The following SEPHS2 variants were observed in gnomAD, a reference collection of about 807,000 sequenced individuals.
SEPHS2 encodes the protein selenophosphate synthetase 2.
In SEPHS2, 11 loss-of-function variants were observed where a neutral mutation model predicts 23.9. That is an observed-to-expected ratio of 0.46 (90% CI 0.29 to 0.76). The LOEUF (loss-of-function observed/expected upper bound fraction) is 0.76, where lower values mean the gene tolerates loss of function less well. Ranked by LOEUF, SEPHS2 falls within the 30% of genes least tolerant of loss-of-function variation. The probability of loss-of-function intolerance (pLI) is 0.10; values close to 1 mark genes in which losing one functional copy is unlikely to be tolerated. For missense variants in SEPHS2, 541 were observed against 592.5 expected (o/e 0.91, Z 0.90); for synonymous variants, 239 against 247.5 (o/e 0.97, Z 0.32).
Position 30,445,062 on chromosome 16 carries a change from T to A in SEPHS2, c.666A>T (p.Ile222=). Residue 222 remains isoleucine (I), a synonymous_variant, in exon 1 of 1, where the codon ATA becomes ATT. Transcript: ENST00000478753. ...ATACTACAGTGGCAACTCCACCGAT[T>A]ATAATCCAAGGGTTGACCACCGTTT... is the stretch of plus-strand genomic sequence containing the variant. ...GGQTVVNPWI[I]IGGVATVVCQ... is the part of the protein sequence containing the mutation. 1 of 1,592,774 alleles carries A rather than the reference T, an allele frequency of 6.3e-7. No individual in the cohort carries two copies. The highest frequency in any genetic ancestry group is 8.6e-7 in the Non-Finnish European group (1 of 1,167,904).
chr16:30,445,466 C>A lies in SEPHS2; in HGVS notation c.262G>T (p.Gly88Cys), dbSNP rs559671014. 1.5e-5 allele frequency: 23 copies of A among 1,545,228 alleles called. No homozygotes were observed. In the Admixed American group the frequency reaches 2.1e-4, roughly 14 times the overall value. ...GCCTCTTCCTGGCCACCCACCAGGC[C>A]CCGGCCCAGCGGGGGCCGCACGTCC... Reference protein sequence around the residue: ...RPDVRPPLGRGLVGGQEEASQ... With the variant: ...RPDVRPPLGRCLVGGQEEASQ... Residue 88 changes from glycine to cysteine, a missense_variant, in exon 1 of 1, where the codon GGC (glycine) becomes TGC (cysteine). Coordinates refer to ENST00000478753, the MANE Select transcript of SEPHS2 (RefSeq NM_012248.4).
rs1209892007 is a variant in SEPHS2, at chr16:30,445,508, C to A, written c.220G>T (p.Ala74Ser). The A allele has an allele frequency of 2.0e-6, 3 of 1,536,296 alleles. No homozygotes were observed. The highest frequency in any genetic ancestry group is 1.4e-5 in the African/African-American group (1 of 73,012). The change falls in exon 1 of 1, where the codon GCG becomes TCG. Residue 74 changes from alanine (A) to serine (S), a missense_variant. Ala to Ser is a moderately conservative substitution (Grantham distance 99, BLOSUM62 1). Transcript: ENST00000478753. ...CGCACGTCCGGCCGCGTCAGTCCCG[C>A]CAGGAGTTTGAGCAGCGCCTCCTGC... The part of the protein sequence containing the change: ...VPQEALLKLL[A>S]GLTRPDVRPP...
Position 30,445,766 on chromosome 16 carries a change from C to T in SEPHS2, c.-39G>A, listed in dbSNP as rs1375078755. On this transcript the variant is annotated 5_prime_UTR_variant, in exon 1 of 1. Coordinates refer to ENST00000478753, the MANE Select transcript of SEPHS2 (RefSeq NM_012248.4). ...CAGGGAAGCGAGAGGAGAAGAGGGCCCTTTTATTTTCCACTCAGATTAATA... is the reference window on the plus strand; with the variant it reads ...CAGGGAAGCGAGAGGAGAAGAGGGCTCTTTTATTTTCCACTCAGATTAATA... 5 of 1,517,434 alleles carry T rather than the reference C, an allele frequency of 3.3e-6. No homozygotes were observed. The South Asian group carries it at 4.9e-5, about 15-fold the overall frequency. 94.0% of individuals were successfully genotyped at this position (1,517,434 alleles called of 1,614,324 possible). A position where few individuals can be genotyped will look rare whatever the true frequency, so the allele number is the denominator to read the frequency against.
At position 30,445,760 on chromosome 16, in the gene SEPHS2, G is replaced by A. The variant is rs1313223385; in HGVS notation, c.-33C>T. On this transcript the variant is annotated 5_prime_UTR_variant, in exon 1 of 1. Transcript: ENST00000478753. ...GCCCGGCAGGGAAGCGAGAGGAGAAGAGGGCCCTTTTATTTTCCACTCAGA... is the reference window on the plus strand; with the variant it reads ...GCCCGGCAGGGAAGCGAGAGGAGAAAAGGGCCCTTTTATTTTCCACTCAGA... The A allele has an allele frequency of 3.3e-6, 5 of 1,524,520 alleles. No individual in the cohort carries two copies. The highest frequency in any genetic ancestry group is 2.2e-5 in the Admixed American group (1 of 44,540). The allele number at this position is 1,524,520 out of a possible 1,614,324, so 94.4% of individuals were successfully genotyped here.
Position 30,445,487 on chromosome 16 carries a change from C to A in SEPHS2, c.241G>T (p.Val81Leu). ...AGGCCCCGGCCCAGCGGGGGCCGCA[C>A]GTCCGGCCGCGTCAGTCCCGCCAGG... is the stretch of plus-strand genomic sequence containing the variant. ...KLLAGLTRPD[V>L]RPPLGRGLVG... Residue 81 changes from valine to leucine, a missense_variant, in exon 1 of 1, where the codon GTG becomes TTG. By Grantham distance (32) the Val-to-Leu change is conservative (BLOSUM62 1). Around this residue, in one of 3 missense-constraint regions of SEPHS2, gnomAD observed 207 missense variants for 182.2 expected, o/e 1.14. Transcript: ENST00000478753. The A allele has an allele frequency of 1.3e-6, 2 of 1,538,046 alleles. No individual in the cohort carries two copies. Among genetic ancestry groups the A allele is most frequent in the South Asian group, 1.2e-5 (1 of 84,778 alleles).
rs772935300 is a variant in SEPHS2, at chr16:30,445,010, C to A, written c.718G>T (p.Asp240Tyr). 1 of 1,609,402 alleles carries A rather than the reference C, an allele frequency of 6.2e-7. No individual in the cohort carries two copies. Among genetic ancestry groups the A allele is most frequent in the Admixed American group, 1.7e-5 (1 of 59,738 alleles). Residue 240 changes from aspartate to tyrosine, a missense_variant, in exon 1 of 1, where the codon GAC (aspartate) becomes TAC (tyrosine). Asp to Tyr is a radical substitution (Grantham distance 160, BLOSUM62 -3). Around this residue, in one of 3 missense-constraint regions of SEPHS2, gnomAD observed 110 missense variants for 173.0 expected, o/e 0.64. Transcript: ENST00000478753. ...VCQPNEFIMP[D>Y]SAVVGDVLVL... is the part of the protein sequence containing the mutation. Reference sequence around the variant, plus strand: ...AGCACGTCCCCAACGACGGCGCTGTCCGGCATTATGAACTCATTTGGTTGG... The same window carrying A: ...AGCACGTCCCCAACGACGGCGCTGTACGGCATTATGAACTCATTTGGTTGG...
Position 30,444,682 on chromosome 16 carries a change from T to C in SEPHS2, c.1046A>G (p.Lys349Arg). The change falls in exon 1 of 1, where the codon AAG (lysine) becomes AGG (arginine). Residue 349 changes from lysine to arginine, a missense_variant. Physicochemically the swap from Lys to Arg is conservative, Grantham distance 26 (BLOSUM62 2). This residue lies in a region of SEPHS2 where 224 missense variants were observed against 237.4 expected (regional missense o/e 0.94). Coordinates refer to ENST00000478753, the MANE Select transcript of SEPHS2 (RefSeq NM_012248.4). This position sits in a 1 kb window ranked among gnomAD's most constrained non-coding sequence, Gnocchi z 4.0. ...ACTGGCCTTGCTGACGGCAGCCATC[T>C]TGGCAATTATTGGCAGATTATGAAT... is the stretch of plus-strand genomic sequence containing the variant. ...FVIHNLPIIA[K>R]MAAVSKASGR... 2.5e-6 allele frequency: 4 copies of C among 1,609,184 alleles called. No homozygotes were observed. Among genetic ancestry groups the C allele is most frequent in the Non-Finnish European group, 3.4e-6 (4 of 1,176,530 alleles).
chr16:30,445,028 T>G lies in SEPHS2; in HGVS notation c.700A>C (p.Asn234His). The G allele has an allele frequency of 6.2e-7, 1 of 1,603,754 alleles. No individual in the cohort carries two copies. The highest frequency in any genetic ancestry group is 8.5e-7 in the Non-Finnish European group (1 of 1,174,326). Residue 234 changes from asparagine to histidine, a missense_variant, in exon 1 of 1, where the codon AAT (asparagine) becomes CAT (histidine). Physicochemically the swap from Asn to His is moderately conservative, Grantham distance 68. Transcript: ENST00000478753. ...GCGCTGTCCGGCATTATGAACTCATTTGGTTGGCATACTACAGTGGCAACT... is the reference window on the plus strand; with the variant it reads ...GCGCTGTCCGGCATTATGAACTCATGTGGTTGGCATACTACAGTGGCAACT... ...GGVATVVCQP[N>H]EFIMPDSAVV...
rs1257826013 is a variant in SEPHS2, at chr16:30,445,739, G to A, written c.-12C>T. On this transcript the variant is annotated 5_prime_UTR_variant, in exon 1 of 1. Coordinates refer to ENST00000478753, the MANE Select transcript of SEPHS2 (RefSeq NM_012248.4). ...GAGGCTTCCGCCATGGCGCCTGCCC[G>A]GCAGGGAAGCGAGAGGAGAAGAGGG... is the stretch of plus-strand genomic sequence containing the variant. 1.3e-6 allele frequency: 2 copies of A among 1,539,032 alleles called. No homozygotes were observed. The highest frequency in any genetic ancestry group is 2.8e-5 in the African/African-American group (2 of 71,796).
chr16:30,445,335 C>G lies in SEPHS2; in HGVS notation c.393G>C (p.Leu131=). 1.4e-5 allele frequency: 22 copies of G among 1,613,274 alleles called. No homozygotes were observed. The highest frequency in any genetic ancestry group is 1.9e-5 in the Non-Finnish European group (22 of 1,179,524). The change falls in exon 1 of 1, where the codon CTG becomes CTC. Residue 131 remains leucine, a synonymous_variant. Coordinates refer to ENST00000478753, the MANE Select transcript of SEPHS2 (RefSeq NM_012248.4). ...AGAAGTCCGTGGTCTGCACCAGTGA[C>G]AGGCCCCCGTGCCTCAGGGGGATGA... ...SCVIPLRHGG[L]SLVQTTDFFY...
chr16:30,445,596 G>A lies in SEPHS2; in HGVS notation c.132C>T (p.Gly44=). 1 of 1,542,478 alleles carries A rather than the reference G, an allele frequency of 6.5e-7. No individual in the cohort carries two copies. The highest frequency in any genetic ancestry group is 8.7e-7 in the Non-Finnish European group (1 of 1,150,466). The part of the protein sequence containing the change: ...NYRPFEPQAL[G]LSPSWRLTGF... Reference sequence around the variant, plus strand: ...CCGTCAGCCGCCAGCTCGGGCTGAGGCCCAACGCCTGGGGCTCGAAGGGCC... The same window carrying A: ...CCGTCAGCCGCCAGCTCGGGCTGAGACCCAACGCCTGGGGCTCGAAGGGCC... Residue 44 remains glycine (G), a synonymous_variant, in exon 1 of 1, where the codon GGC becomes GGT. Coordinates refer to ENST00000478753, the MANE Select transcript of SEPHS2 (RefSeq NM_012248.4).
rs1253549585 is a variant in SEPHS2, at chr16:30,445,868, T to C, written c.-141A>G. 1.7e-6 allele frequency: 2 copies of C among 1,166,974 alleles called. No individual in the cohort carries two copies. Among genetic ancestry groups the C allele is most frequent in the African/African-American group, 1.6e-5 (1 of 60,716 alleles). 72.3% of individuals were successfully genotyped at this position (1,166,974 alleles called of 1,614,324 possible). A position where few individuals can be genotyped will look rare whatever the true frequency, so the allele number is the denominator to read the frequency against. On this transcript the variant is annotated 5_prime_UTR_variant, in exon 1 of 1. Transcript: ENST00000478753. ...GCCGTCAGACCCACGGCATGCACAA[T>C]CTTCCTGATAGAGGAGCCGCCGGAC...
chr16:30,444,350 C>T lies in SEPHS2; in HGVS notation c.*31G>A, dbSNP rs769011871. ...CCATCCGTGATTGTGGACAATGGCT[C>T]TAAGGTCCAAACAACTTCTGTTCTT... On this transcript the variant is annotated 3_prime_UTR_variant, in exon 1 of 1. Coordinates refer to ENST00000478753, the MANE Select transcript of SEPHS2 (RefSeq NM_012248.4). The surrounding 1 kb of genome is among the most constrained non-coding windows in gnomAD (Gnocchi z 4.0). The T allele has an allele frequency of 1.9e-6, 3 of 1,558,510 alleles. No homozygotes were observed. Among genetic ancestry groups the T allele is most frequent in the East Asian group, 2.3e-5 (1 of 44,320 alleles).
chr16:30,445,301 AG>A lies in SEPHS2; in HGVS notation c.426del (p.Leu143TrpfsTer?). ...SLVQTTDFFYPLVEDPYMMGR... is the reference protein window; with the variant it reads ...SLVQTTDFFYXLVEDPYMMGR... Reference sequence around the variant, plus strand: ...CCCATCATGTAGGGATCTTCTACCAAGGGGTAAAAGAAGTCCGTGGTCTGCA... The same window carrying A: ...CCCATCATGTAGGGATCTTCTACCAAGGGTAAAAGAAGTCCGTGGTCTGCA... On this transcript the variant is annotated frameshift_variant, in exon 1 of 1. Coordinates refer to ENST00000478753, the MANE Select transcript of SEPHS2 (RefSeq NM_012248.4). LOFTEE classifies it high-confidence loss of function. 1.2e-6 allele frequency: 2 copies of A among 1,614,122 alleles called. No individual in the cohort carries two copies. Among genetic ancestry groups the A allele is most frequent in the Non-Finnish European group, 1.7e-6 (2 of 1,179,980 alleles).
Position 30,444,319 on chromosome 16 carries a change from T to G in SEPHS2, c.*62A>C. The G allele has an allele frequency of 1.7e-5, 25 of 1,495,706 alleles. No individual in the cohort carries two copies. Among genetic ancestry groups the G allele is most frequent in the Non-Finnish European group, 2.2e-5 (24 of 1,110,260 alleles). The allele number at this position is 1,495,706 out of a possible 1,614,324, so 92.7% of individuals were successfully genotyped here. ...TTGGAAATTTCTTACAATCAACTCTTGAGAACCATCCGTGATTGTGGACAA... is the reference window on the plus strand; with the variant it reads ...TTGGAAATTTCTTACAATCAACTCTGGAGAACCATCCGTGATTGTGGACAA... On this transcript the variant is annotated 3_prime_UTR_variant, in exon 1 of 1. Transcript: ENST00000478753. This position sits in a 1 kb window ranked among gnomAD's most constrained non-coding sequence, Gnocchi z 4.0.
Position 30,445,564 on chromosome 16 carries a change from G to A in SEPHS2, c.164C>T (p.Ser55Phe). Reference sequence around the variant, plus strand: ...CTTGCAGCCTCAGCCCTTCATGCCGGAGAAGCCCGTCAGCCGCCAGCTCGG... The same window carrying A: ...CTTGCAGCCTCAGCCCTTCATGCCGAAGAAGCCCGTCAGCCGCCAGCTCGG... Reference protein sequence around the residue: ...LSPSWRLTGFSGMKGUGCKVP... With the variant: ...LSPSWRLTGFFGMKGUGCKVP... The change falls in exon 1 of 1, where the codon TCC (serine) becomes TTC (phenylalanine). Residue 55 changes from serine (S) to phenylalanine (F), a missense_variant. Physicochemically the swap from Ser to Phe is radical, Grantham distance 155. Coordinates refer to ENST00000478753, the MANE Select transcript of SEPHS2 (RefSeq NM_012248.4). 1.9e-6 allele frequency: 3 copies of A among 1,538,918 alleles called. No individual in the cohort carries two copies. Among genetic ancestry groups the A allele is most frequent in the Non-Finnish European group, 2.6e-6 (3 of 1,148,160 alleles).
At position 30,444,651 on chromosome 16, in the gene SEPHS2, C is replaced by T. The variant is rs1483936596; in HGVS notation, c.1077G>A (p.Arg359=). Reference sequence around the variant, plus strand: ...CTGAGGTTCCTTGAAGAAGCCCAAACCGTCCACTGGCCTTGCTGACGGCAG... The same window carrying T: ...CTGAGGTTCCTTGAAGAAGCCCAAATCGTCCACTGGCCTTGCTGACGGCAG... ...KMAAVSKASG[R]FGLLQGTSAE... Residue 359 remains arginine, a synonymous_variant, in exon 1 of 1, where the codon CGG becomes CGA. Coordinates refer to ENST00000478753, the MANE Select transcript of SEPHS2 (RefSeq NM_012248.4). The surrounding 1 kb of genome is among the most constrained non-coding windows in gnomAD (Gnocchi z 4.0). 3.1e-6 allele frequency: 5 copies of T among 1,613,376 alleles called. No homozygotes were observed. The highest frequency in any genetic ancestry group is 2.2e-5 in the East Asian group (1 of 44,868).
rs746113094 is a variant in SEPHS2, at chr16:30,444,990, G to A, written c.738C>T (p.Asp246=). 14 of 1,613,142 alleles carry A rather than the reference G, an allele frequency of 8.7e-6. No individual in the cohort carries two copies. Among genetic ancestry groups the A allele is most frequent in the Admixed American group, 3.3e-5 (2 of 59,898 alleles). ...CTAACGGTTTGGTTAACACCAGCAC[G>A]TCCCCAACGACGGCGCTGTCCGGCA... ...FIMPDSAVVG[D]VLVLTKPLGT... is the part of the protein sequence containing the mutation. The change falls in exon 1 of 1, where the codon GAC becomes GAT. Residue 246 remains aspartate, a synonymous_variant. Coordinates refer to ENST00000478753, the MANE Select transcript of SEPHS2 (RefSeq NM_012248.4). The surrounding 1 kb of genome is among the most constrained non-coding windows in gnomAD (Gnocchi z 4.0).
rs746031874 is a variant in SEPHS2 at position 30,444,168 on chromosome 16, G to A, written c.*213C>T. The A allele has an allele frequency of 4.7e-6, 2 of 423,702 alleles. No individual in the cohort carries two copies. The highest frequency in any genetic ancestry group is 8.3e-6 in the Non-Finnish European group (2 of 239,818). The allele number at this position is 423,702 out of a possible 1,614,324, so 26.2% of individuals were successfully genotyped here. ...TTTGCTCCTCTTCTACCCAAGTGAT[G>A]AACAAATATCCCCCCAAAGTTCAAA... is the stretch of plus-strand genomic sequence containing the variant. On this transcript the variant is annotated 3_prime_UTR_variant, in exon 1 of 1. Coordinates refer to ENST00000478753, the MANE Select transcript of SEPHS2 (RefSeq NM_012248.4). The surrounding 1 kb of genome is among the most constrained non-coding windows in gnomAD (Gnocchi z 4.0).
Sources: gnomAD v4.1 joint callset for allele counts on GRCh38, gnomAD v4.1.1 for gene constraint, gnomAD v4.1.1 regional missense constraint, Gnocchi (gnomAD v3.1) non-coding constraint, MANE v1.5 for transcripts, NCBI Gene and HGNC (gene_info 2026-07-23, HGNC 2026-07-21) for gene names.